The following FANK1 variants were observed in gnomAD, a reference collection of about 807,000 sequenced individuals.
FANK1 encodes the protein fibronectin type 3 and ankyrin repeat domains protein 1.
Under a neutral mutation model 45.3 loss-of-function variants are expected in FANK1, and 44 were observed. The observed-to-expected ratio is 0.97, with a 90% confidence interval of 0.76 to 1.25. The LOEUF (loss-of-function observed/expected upper bound fraction) is 1.25, where lower values mean the gene tolerates loss of function less well. Ranked by LOEUF, FANK1 falls within the 50% of genes most tolerant of loss-of-function variation. FANK1 has a pLI of 0.00. For missense variants in FANK1, 391 were observed against 424.4 expected, an observed-to-expected ratio of 0.92 and a Z score of 0.69; for synonymous variants, 149 against 152.5, an observed-to-expected ratio of 0.98 and a Z score of 0.17.
At chr10:125,943,630 T>A in intron 1 of FANK1, among the ~76,000 whole-genome samples, 1 of 150,888 alleles carries the variant, frequency 6.6e-6, no homozygotes, top group South Asian at 2.1e-4. Flanking sequence ...TTGAATGAAC[T>A]CTCTATTCAT....
intron 6 of FANK1, among the ~76,000 whole-genome samples, chr10:126,001,071 G>GAA (rs1218203656): frequency 1.3e-5 from 2 of 152,156 alleles, no homozygotes; most frequent in Non-Finnish European, 2.9e-5. Flanking sequence ...AAGCAATTTG[G>GAA]AAATGTGCAT....
At chr10:125,980,469 C>A in intron 2 of FANK1, 131 bp downstream of exon 2, 1 of 1,077,682 alleles carries the variant, frequency 9.3e-7, no homozygotes. Flanking sequence ...TATTCATGCT[C>A]TTTTATGAAT....
chr10:125,908,838 TAAGAG>T (rs1945756050), intron 1 of FANK1, among the ~76,000 whole-genome samples: 1 of 152,300 alleles, frequency 6.6e-6, no homozygotes, highest in African/African-American at 2.4e-5. Context: ...AGAAACTGTA[TAAGAG>T]AAAATATACT....
At chr10:125,963,509 A>G (rs1950043285) in intron 1 of FANK1, among the ~76,000 whole-genome samples, 1 of 152,252 alleles carries the variant, frequency 6.6e-6, no homozygotes, top group Non-Finnish European at 1.5e-5. Context: ...ATGTCCAACC[A>G]TAGACTGGAT....
chr10:125,989,059 C>T (rs972148201), intron 3 of FANK1, among the ~76,000 whole-genome samples: 2 of 152,150 alleles, frequency 1.3e-5, no homozygotes, highest in African/African-American at 4.8e-5. Context: ...GTGTCATATC[C>T]ATTTTAGACA....
At chr10:125,923,826 C>T (rs1404379958) in intron 1 of FANK1, among the ~76,000 whole-genome samples, 2 of 151,914 alleles carry the variant, frequency 1.3e-5, no homozygotes, top group Non-Finnish European at 2.9e-5. Flanking sequence ...TCGTTCTTGG[C>T]CTGCAAGTTA....
chr10:125,971,656 C>T lies in FANK1; in HGVS notation c.14-8505C>T, dbSNP rs370278109. On this transcript the variant is annotated intron_variant, in intron 1 of 10. Transcript: ENST00000368693. ...CATTTTTCTGAGACGGAGTCTCGCT[C>T]CGTCGCCCAGGCTGGAGTGCGGTGG... 2.8e-4 allele frequency among the ~76,000 whole-genome samples: 43 copies of T among 152,150 alleles called. No individual in the cohort carries two copies. The South Asian group carries it at 8.5e-3, about 30-fold the overall frequency.
intron 6 of FANK1, among the ~76,000 whole-genome samples, chr10:126,000,358 G>A (rs1301808603): frequency 6.6e-6 from 1 of 152,166 alleles, no homozygotes; most frequent in East Asian, 1.9e-4. Context: ...GCCTCATAAC[G>A]TTATAGTAAT....
chr10:125,944,663 G>A (rs1393635632), intron 1 of FANK1, among the ~76,000 whole-genome samples: 2 of 152,182 alleles, frequency 1.3e-5, no homozygotes, highest in East Asian at 1.9e-4. Context: ...GTGGAAAACC[G>A]CTTAAAGGCA....
At chr10:125,977,768 A>G (rs1055312509) in intron 1 of FANK1, among the ~76,000 whole-genome samples, 1 of 152,124 alleles carries the variant, frequency 6.6e-6, no homozygotes, top group Non-Finnish European at 1.5e-5. Context: ...GTGATGAGCC[A>G]TGCTGGGGAG....
At chr10:125,899,790 A>G (rs1944885691) in intron 1 of FANK1, among the ~76,000 whole-genome samples, 1 of 152,178 alleles carries the variant, frequency 6.6e-6, no homozygotes, top group African/African-American at 2.4e-5. Flanking sequence ...ATTATCTAAC[A>G]TATTTTAAAC....
At chr10:125,958,879 G>A (rs10751537) in intron 1 of FANK1, among the ~76,000 whole-genome samples, 105,816 of 152,092 alleles carry the variant, frequency 0.7, 38,079 homozygotes, top group South Asian at 0.8. Flanking sequence ...ATGGATCAGA[G>A]GAATTAATTT....
At chr10:125,924,636 T>A (rs1947206260) in intron 1 of FANK1, among the ~76,000 whole-genome samples, 1 of 152,210 alleles carries the variant, frequency 6.6e-6, no homozygotes, top group Non-Finnish European at 1.5e-5. Flanking sequence ...GGTGAAACTT[T>A]ATCTCTACCA....
At position 125,909,483 on chromosome 10, in the gene FANK1, G is replaced by A. The variant is rs557252803; in HGVS notation, c.13+12828G>A. ...CGGCTTAATTTGCTGGGATTTTTGA[G>A]ATGGATGCTTAGATCAGTGGGGTTT... is the stretch of plus-strand genomic sequence containing the variant. On this transcript the variant is annotated intron_variant, in intron 1 of 10. Coordinates refer to ENST00000368693, the MANE Select transcript of FANK1 (RefSeq NM_145235.5). Among the ~76,000 whole-genome samples the A allele has an allele frequency of 6.4e-4, 96 of 150,048 alleles. 2 individuals are homozygous for A. The highest frequency in any genetic ancestry group is 3.1e-4 in the Non-Finnish European group (21 of 67,592).
intron 1 of FANK1, among the ~76,000 whole-genome samples, chr10:125,948,816 A>C (rs1452021162): frequency 6.7e-6 from 1 of 150,008 alleles, no homozygotes; most frequent in East Asian, 2.0e-4. Flanking sequence ...ACACAACCAA[A>C]AAAGAGAATT....
intron 1 of FANK1, among the ~76,000 whole-genome samples, chr10:125,939,890 G>A (rs530342568): frequency 1.3e-5 from 2 of 151,060 alleles, no homozygotes; most frequent in East Asian, 3.9e-4. Flanking sequence ...TTAAAGACAG[G>A]GTCAATAAAA....
chr10:125,902,773 T>A (rs1250734724), intron 1 of FANK1, among the ~76,000 whole-genome samples: 5 of 152,260 alleles, frequency 3.3e-5, no homozygotes, highest in Non-Finnish European at 5.9e-5. Flanking sequence ...ACCTGCTCAT[T>A]AATTATCTGG....
At chr10:125,961,845 C>T (rs565555910) in intron 1 of FANK1, among the ~76,000 whole-genome samples, 2 of 152,270 alleles carry the variant, frequency 1.3e-5, no homozygotes, top group South Asian at 4.1e-4. Context: ...TCAGGGAGCT[C>T]AGGCAGGTGG....
intron 1 of FANK1, among the ~76,000 whole-genome samples, chr10:125,978,398 G>A (rs1950983481): frequency 6.6e-6 from 1 of 152,116 alleles, no homozygotes; most frequent in Non-Finnish European, 1.5e-5. Flanking sequence ...CGGATACTAT[G>A]AGGCTCAAAG....
Sources: allele counts gnomAD v4.1 joint callset (sites outside exome capture counted in the v4.1 genomes callset), GRCh38; gene constraint gnomAD v4.1.1; transcripts MANE v1.5; gene names NCBI Gene and HGNC (gene_info 2026-07-23, HGNC 2026-07-21).